Variants in LMNTD1 observed in about 807,000 individuals in gnomAD.
LMNTD1 encodes the protein lamin tail domain containing 1.
Under a neutral mutation model 50.9 loss-of-function variants are expected in LMNTD1, and 35 were observed. The observed-to-expected ratio is 0.69, with a 90% confidence interval of 0.53 to 0.91. The LOEUF (loss-of-function observed/expected upper bound fraction) is 0.91. Ranked by LOEUF, LMNTD1 falls within the 40% of genes least tolerant of loss-of-function variation. The pLI, the probability that LMNTD1 is intolerant of heterozygous loss-of-function variation, is 0.00. For synonymous variants in LMNTD1, 153 were observed against 161.9 expected (o/e 0.94, Z 0.42); for missense variants, 470 against 475.5 (o/e 0.99, Z 0.11).
At chr12:25,591,720 A>G (rs1435802791) in intron 1 of LMNTD1, among the ~76,000 whole-genome samples, 1 of 149,808 alleles carries the variant, frequency 6.7e-6, no homozygotes. Context: ...TCAGCTGTGT[A>G]CTGGCTTCAG....
rs35450203 is a variant in LMNTD1 at position 25,520,021 on chromosome 12, C to T, written c.853G>A (p.Ala285Thr). ...HWKQAWEKLD[A>T]DVEFNRCSVV... ...GAACATCTGTTAAATTCAACGTCAG[C>T]ATCTAATTTTTCCCACGCTTGCTTC... Residue 285 changes from alanine to threonine, a missense_variant, in exon 7 of 10, where the codon GCT becomes ACT. Ala to Thr is a moderately conservative substitution (Grantham distance 58). Transcript: ENST00000458174. 4,956 of 1,613,264 alleles carry T rather than the reference C, an allele frequency of 3.1e-3. 149 individuals carry two copies. In the African/African-American group the frequency reaches 0.058, roughly 19 times the overall value.
rs1017824175 is a variant in LMNTD1, at chr12:25,483,309, A to C, written c.*23-6849T>G. Among the ~76,000 whole-genome samples, 8 of 151,946 alleles carry C rather than the reference A, an allele frequency of 5.3e-5. No individual in the cohort carries two copies. In the South Asian group the frequency reaches 1.5e-3, roughly 28 times the overall value. ...CGTGGTTGTGCGCACCTTTAGTCCCAGCTACTCGGGAGGCTGAGGAGGGAG... is the reference window on the plus strand; with the variant it reads ...CGTGGTTGTGCGCACCTTTAGTCCCCGCTACTCGGGAGGCTGAGGAGGGAG... On this transcript the variant is annotated intron_variant, in intron 9 of 9. Coordinates refer to ENST00000458174, the MANE Select transcript of LMNTD1 (RefSeq NM_001145728.2).
At chr12:25,566,795 T>C (rs1223404466) in intron 1 of LMNTD1, among the ~76,000 whole-genome samples, 4 of 152,208 alleles carry the variant, frequency 2.6e-5, no homozygotes, top group Non-Finnish European at 5.9e-5. Context: ...CGGGCGTCAA[T>C]GAAGGGTACA....
intron 1 of LMNTD1, among the ~76,000 whole-genome samples, chr12:25,625,089 T>C (rs1413555035): frequency 6.6e-6 from 1 of 151,888 alleles, no homozygotes; most frequent in Non-Finnish European, 1.5e-5. Flanking sequence ...CAGAGCAGAG[T>C]GTTAATGGGC....
At chr12:25,632,978 G>C (rs1057088331) in intron 1 of LMNTD1, among the ~76,000 whole-genome samples, 1 of 151,484 alleles carries the variant, frequency 6.6e-6, no homozygotes, top group African/African-American at 2.4e-5. Flanking sequence ...GTGGAAAAAG[G>C]CATTTCACGC....
chr12:25,565,032 A>C (rs1944496235), intron 1 of LMNTD1, among the ~76,000 whole-genome samples: 1 of 152,136 alleles, frequency 6.6e-6, no homozygotes, highest in South Asian at 2.1e-4. Flanking sequence ...TTTGTCTGAT[A>C]TAAGTATAGC....
chr12:25,625,358 A>T (rs17424033), intron 1 of LMNTD1, among the ~76,000 whole-genome samples: 5 of 152,092 alleles, frequency 3.3e-5, no homozygotes, highest in Admixed American at 1.3e-4. Flanking sequence ...GGTAAAAATG[A>T]TCCCTCTTGA....
chr12:25,557,480 C>G (rs192339964), upstream of LMNTD1: 1 of 152,290 alleles, frequency 6.6e-6, no homozygotes, highest in East Asian at 1.9e-4. Context: ...AAATAACTGT[C>G]TAATTACTTT....
chr12:25,590,369 G>A (rs955082724), intron 1 of LMNTD1, among the ~76,000 whole-genome samples: 3 of 152,174 alleles, frequency 2.0e-5, no homozygotes, highest in Non-Finnish European at 2.9e-5. Flanking sequence ...CCTAGCCAGA[G>A]AGGAATTTCC....
rs149889488 is a variant in LMNTD1 at position 25,583,577 on chromosome 12, G to A, written c.59-37023C>T. On this transcript the variant is annotated intron_variant, in intron 1 of 7. Transcript: ENST00000445693. The stretch of plus-strand genomic sequence containing the variant: ...TCTTAAATGTGCCTTGGATTTCCCC[G>A]TATCTTTTTGAATCTCAGTGATTCA... 9.2e-3 allele frequency among the ~76,000 whole-genome samples: 1,400 copies of A among 152,218 alleles called. 22 individuals are homozygous for A. Among genetic ancestry groups the A allele is most frequent in the African/African-American group, 0.032 (1,324 of 41,540 alleles).
At position 25,604,226 on chromosome 12, in the gene LMNTD1, T is replaced by C. The variant is rs921550301; in HGVS notation, c.58+44268A>G. ...TTCTTACAGCTTTCACTTCTTTGTT[T>C]AAATTCTACCACTTATGGCCACATG... On this transcript the variant is annotated intron_variant, in intron 1 of 7. Coordinates refer to the LMNTD1 transcript ENST00000445693. Among the ~76,000 whole-genome samples the C allele has an allele frequency of 4.6e-5, 7 of 152,150 alleles. No homozygotes were observed. The East Asian group carries it at 1.2e-3, about 25-fold the overall frequency.
At chr12:25,541,282 C>A (rs1240283355) in intron 4 of LMNTD1, among the ~76,000 whole-genome samples, 1 of 110,872 alleles carries the variant, frequency 9.0e-6, no homozygotes, top group Non-Finnish European at 2.1e-5. Context: ...AATCCTAAGC[C>A]AAAAGAACAA....
chr12:25,636,876 A>G (rs553476470), intron 1 of LMNTD1, among the ~76,000 whole-genome samples: 1 of 152,280 alleles, frequency 6.6e-6, no homozygotes, highest in Admixed American at 6.5e-5. Context: ...ATTCTGGTGA[A>G]GTAACTCAGG....
rs1946353571 is a variant in LMNTD1 at position 25,616,361 on chromosome 12, A to C, written c.58+32133T>G. ...TTACAACAACTCAACAATAAAAAAG[A>C]ATGAACTATTGACACACACAACAAC... is the stretch of plus-strand genomic sequence containing the variant. On this transcript the variant is annotated intron_variant, in intron 1 of 7. Transcript: ENST00000445693. 2.0e-5 allele frequency among the ~76,000 whole-genome samples: 3 copies of C among 152,232 alleles called. No individual in the cohort carries two copies. The South Asian group carries it at 6.2e-4, about 32-fold the overall frequency.
chr12:25,596,599 A>G (rs1325922434), intron 1 of LMNTD1, among the ~76,000 whole-genome samples: 2 of 152,042 alleles, frequency 1.3e-5, no homozygotes, highest in African/African-American at 4.8e-5. Context: ...AGAAATAAAC[A>G]CTGTTCCAGA....
intron 1 of LMNTD1, among the ~76,000 whole-genome samples, chr12:25,633,863 C>G (rs562456175): frequency 6.6e-6 from 1 of 151,830 alleles, no homozygotes; most frequent in Non-Finnish European, 1.5e-5. Flanking sequence ...AAAAAAATTA[C>G]AAAAGGTAAA....
At chr12:25,490,294 A>C (rs1423155706) in intron 9 of LMNTD1, among the ~76,000 whole-genome samples, 1 of 151,254 alleles carries the variant, frequency 6.6e-6, no homozygotes, top group Non-Finnish European at 1.5e-5. Context: ...TGGGAAGTTC[A>C]AAGAGGGTCT....
intron 6 of LMNTD1, 83 bp downstream of exon 6, chr12:25,526,016 A>T: frequency 2.6e-6 from 3 of 1,168,346 alleles, no homozygotes; most frequent in Non-Finnish European, 3.4e-6. Context: ...ATTGTATAAA[A>T]TAAAAAGAAT....
At chr12:25,519,607 A>AAAAAAAAAAAAAAAAAAATTT in intron 7 of LMNTD1, among the ~76,000 whole-genome samples, 1 of 148,332 alleles carries the variant, frequency 6.7e-6, no homozygotes, top group East Asian at 2.0e-4. Flanking sequence ...AAAAAAAAAA[A>AAAAAAAAAAAAAAAAAAATTT]AGTGAAATGG....
Sources: gnomAD v4.1 joint callset for allele counts (sites outside exome capture counted in the v4.1 genomes callset) on GRCh38, gnomAD v4.1.1 for gene constraint, MANE v1.5 for transcripts, NCBI Gene and HGNC (gene_info 2026-07-23, HGNC 2026-07-21) for gene names.